Variants in CUL1 observed in about 807,000 individuals in gnomAD.
The protein encoded by CUL1 is cullin-1.
In CUL1, 24 loss-of-function variants were observed where a neutral mutation model predicts 118.0. The observed-to-expected ratio is 0.20, with a 90% CI of 0.15 to 0.29. The LOEUF (loss-of-function observed/expected upper bound fraction) is 0.29, where lower values mean the gene tolerates loss of function less well. Among genes scored for constraint, CUL1 ranks in the 10% least tolerant of loss-of-function variants. CUL1 has a pLI of 1.00. For synonymous variants in CUL1, 332 were observed against 340.4 expected, an observed-to-expected ratio of 0.98 and a Z score of 0.27; for missense variants, 361 against 933.8, an observed-to-expected ratio of 0.39 and a Z score of 7.99.
chr7:148,788,377 CAG>C (rs1327108399), intron 13 of CUL1, among the ~76,000 whole-genome samples, 178 bp from the exon 14 acceptor site: 2 of 152,128 alleles, frequency 1.3e-5, no homozygotes, highest in Admixed American at 1.3e-4. Flanking sequence ...GGTTTTTTGA[CAG>C]TGTATTAATA....
chr7:148,780,050 G>A (rs1164401900), intron 9 of CUL1, among the ~76,000 whole-genome samples: 1 of 152,292 alleles, frequency 6.6e-6, no homozygotes, highest in East Asian at 1.9e-4. Flanking sequence ...CTTGCTCCTC[G>A]AGCTTGCAGA....
At chr7:148,753,428 T>C (rs773801964) in intron 2 of CUL1, among the ~76,000 whole-genome samples, 63 of 152,194 alleles carry the variant, frequency 4.1e-4, no homozygotes, top group Non-Finnish European at 7.1e-4. Flanking sequence ...TACATCTCTC[T>C]CTTTCTCAGG....
chr7:148,791,367 T>C (rs1362711267), intron 16 of CUL1, among the ~76,000 whole-genome samples: 1 of 152,222 alleles, frequency 6.6e-6, no homozygotes, highest in Non-Finnish European at 1.5e-5. Flanking sequence ...ATTTAAACTT[T>C]TCGTAAATCT....
At chr7:148,713,831 C>G (rs559513579) in intron 1 of CUL1, among the ~76,000 whole-genome samples, 2 of 152,276 alleles carry the variant, frequency 1.3e-5, no homozygotes, top group South Asian at 2.1e-4. Flanking sequence ...TCAAGTGATT[C>G]TCCTGCTTCA....
chr7:148,775,465 C>G lies in CUL1; in HGVS notation c.1083+7716C>G, dbSNP rs913850414. ...AATGGGTTTATGGGGGTTGATTTTA[C>G]TATTCTTTTCTCATTTTGAACATAT... On this transcript the variant is annotated intron_variant, in intron 9 of 21. Coordinates refer to ENST00000325222, the MANE Select transcript of CUL1 (RefSeq NM_003592.3). Among the ~76,000 whole-genome samples, 3 of 152,146 alleles carry G rather than the reference C, an allele frequency of 2.0e-5. No homozygotes were observed. The South Asian group carries it at 6.2e-4, about 32-fold the overall frequency.
In CUL1 at chr7:148,787,842, C is replaced by T. The variant is rs1223673900; in HGVS notation, c.1480-715C>T. 6.6e-6 allele frequency among the ~76,000 whole-genome samples: 1 copy of T among 152,226 alleles called. No homozygotes were observed. ...CCTCCTTTGCGTGCCTGTGTGTCGG[C>T]GCTGTCGAGTGCTCTTATCTGACTT... On this transcript the variant is annotated intron_variant, in intron 13 of 21. Coordinates refer to ENST00000325222, the MANE Select transcript of CUL1 (RefSeq NM_003592.3). The surrounding 1 kb of genome is among the most constrained non-coding windows in gnomAD (Gnocchi z 5.5).
intron 1 of CUL1, among the ~76,000 whole-genome samples, chr7:148,707,169 G>A (rs1797911598): frequency 6.6e-6 from 1 of 152,076 alleles, no homozygotes; most frequent in Non-Finnish European, 1.5e-5. Flanking sequence ...CATCGAATGT[G>A]GAAAATTAGG....
At chr7:148,698,660 G>A (rs1405790571), upstream of CUL1, 1 of 151,978 alleles carries the variant, frequency 6.6e-6, no homozygotes, top group African/African-American at 2.4e-5. Context: ...TCGGGCTGGC[G>A]GGGCGATGGC....
chr7:148,720,125 T>G (rs1798353902), intron 1 of CUL1, among the ~76,000 whole-genome samples: 1 of 152,242 alleles, frequency 6.6e-6, no homozygotes, highest in Admixed American at 6.5e-5. Context: ...ATGGAACAGT[T>G]GTACTCAGTG....
intron 20 of CUL1, 61 bp from the exon 21 acceptor site, chr7:148,799,214 C>T: frequency 7.7e-7 from 1 of 1,302,314 alleles, no homozygotes; most frequent in Non-Finnish European, 1.1e-6. Context: ...TTGTCCTTAA[C>T]TATCAATACA....
chr7:148,764,465 G>A (rs1033730069), intron 7 of CUL1, among the ~76,000 whole-genome samples: 2 of 152,134 alleles, frequency 1.3e-5, no homozygotes, highest in African/African-American at 2.4e-5. Context: ...CACTCTTCCT[G>A]CCCCCTCAGC....
rs1460950194 is a variant in CUL1, at chr7:148,739,378, C to T, written c.140+9116C>T. On this transcript the variant is annotated intron_variant, in intron 2 of 21. Coordinates refer to ENST00000325222, the MANE Select transcript of CUL1 (RefSeq NM_003592.3). ...ATCAGAGCTATATAAGATCTGCTTT[C>T]ACTCCTGCCTCTGCTGACTCAGCCT... Among the ~76,000 whole-genome samples the T allele has an allele frequency of 3.9e-5, 6 of 152,194 alleles. No individual in the cohort carries two copies. The South Asian group carries it at 1.0e-3, about 26-fold the overall frequency.
intron 4 of CUL1, among the ~76,000 whole-genome samples, chr7:148,757,743 G>A (rs1799702548): frequency 1.3e-5 from 2 of 152,134 alleles, no homozygotes. Context: ...AAGTGTAATG[G>A]GCTCAACAGT....
chr7:148,799,182 G>GATTAACT, intron 20 of CUL1, 93 bp from the exon 21 acceptor site: 1 of 844,586 alleles, frequency 1.2e-6, no homozygotes, highest in Admixed American at 2.2e-5. Flanking sequence ...CTGTGCATAG[G>GATTAACT]CGTCGGCAGC....
intron 9 of CUL1, chr7:148,783,497 G>C: frequency 7.9e-7 from 1 of 1,271,592 alleles, no homozygotes; most frequent in East Asian, 4.4e-5. Flanking sequence ...GGAAAATGCT[G>C]TTTTCATGAT....
chr7:148,742,966 T>G (rs969447007), intron 2 of CUL1, among the ~76,000 whole-genome samples: 2 of 152,364 alleles, frequency 1.3e-5, no homozygotes, highest in East Asian at 1.9e-4. Flanking sequence ...ATTTTTAGCC[T>G]TATTCTGCAA....
chr7:148,798,099 T>C (rs1584827700), intron 19 of CUL1, 80 bp downstream of exon 19: 1 of 823,754 alleles, frequency 1.2e-6, no homozygotes, highest in Admixed American at 2.5e-5. Flanking sequence ...TCAGTATTGT[T>C]ACAAACCAAG....
At chr7:148,782,078 G>T (rs73745375) in intron 9 of CUL1, among the ~76,000 whole-genome samples, 43 of 152,188 alleles carry the variant, frequency 2.8e-4, no homozygotes, top group Non-Finnish European at 4.4e-5. Context: ...TTGAATCCTC[G>T]CTGTAGGCTG....
In CUL1 at chr7:148,792,826, C is replaced by T. The variant is rs1343123395; in HGVS notation, c.1899+8C>T. The T allele has an allele frequency of 3.1e-6, 5 of 1,598,456 alleles. No individual in the cohort carries two copies. Among genetic ancestry groups the T allele is most frequent in the Middle Eastern group, 3.3e-4 (2 of 6,058 alleles). On this transcript the variant is annotated splice_region_variant and intron_variant, in intron 17 of 21. Transcript: ENST00000325222. The stretch of plus-strand genomic sequence containing the variant: ...AGCACTCAAATTAAAATGGTATTCT[C>T]ATCTCAGGCTCGTTGTTCTATCAGC...
Sources: allele counts gnomAD v4.1 joint callset (sites outside exome capture counted in the v4.1 genomes callset), GRCh38; gene constraint gnomAD v4.1.1; non-coding constraint Gnocchi (gnomAD v3.1); transcripts MANE v1.5; gene names NCBI Gene and HGNC (gene_info 2026-07-23, HGNC 2026-07-21).